Variants in CTNND2 observed in about 807,000 individuals in gnomAD.
The protein encoded by CTNND2 is catenin delta-2.
Under a neutral mutation model 144.4 loss-of-function variants are expected in CTNND2, and 22 were observed. That is an observed-to-expected ratio of 0.15 (90% confidence interval 0.11 to 0.22). The LOEUF is 0.22. CTNND2 is among the 10% of genes least tolerant of loss of function. CTNND2 has a pLI of 1.00. For missense variants in CTNND2, 1,353 were observed against 1,618.8 expected (o/e 0.84, Z 2.82); for synonymous variants, 751 against 695.6 (o/e 1.08, Z -1.25).
At chr5:11,554,965 A>T (rs1366889675) in intron 3 of CTNND2, among the ~76,000 whole-genome samples, 1 of 151,660 alleles carries the variant, frequency 6.6e-6, no homozygotes, top group Non-Finnish European at 1.5e-5. Context: ...ATAACATAAA[A>T]AAATGAATAA....
intron 3 of CTNND2, among the ~76,000 whole-genome samples, chr5:11,536,514 G>GT (rs1181555789): frequency 6.6e-6 from 1 of 152,138 alleles, no homozygotes; most frequent in African/African-American, 2.4e-5. Flanking sequence ...AGAAAATGTG[G>GT]TATATATTTA....
intron 9 of CTNND2, among the ~76,000 whole-genome samples, chr5:11,320,697 A>G (rs1004417665): frequency 6.6e-6 from 1 of 152,164 alleles, no homozygotes; most frequent in Non-Finnish European, 1.5e-5. Flanking sequence ...ATCAGATCCC[A>G]TTCACTATCA....
intron 11 of CTNND2, among the ~76,000 whole-genome samples, chr5:11,167,417 A>C (rs1759447763): frequency 6.6e-6 from 1 of 152,246 alleles, no homozygotes; most frequent in African/African-American, 2.4e-5. Context: ...TGTCCTTGAC[A>C]TTTGAAAGTA....
At chr5:11,824,886 TA>T (rs1793518105) in intron 1 of CTNND2, among the ~76,000 whole-genome samples, 1 of 151,636 alleles carries the variant, frequency 6.6e-6, no homozygotes, top group South Asian at 2.1e-4. Context: ...CCAAACAGAG[TA>T]GGGGAACAAT....
In CTNND2 at chr5:10,971,914, C is replaced by G. The variant is rs1045828021; in HGVS notation, c.*1539G>C. On this transcript the variant is annotated 3_prime_UTR_variant, in exon 22 of 22. Transcript: ENST00000304623. ...GGCACCTATTGGCCTCAGCCACTTG[C>G]ATCTAAAGAGCAAAGCTAGTTTACC... The G allele has an allele frequency of 6.6e-6, 1 of 152,632 alleles. No homozygotes were observed. The highest frequency in any genetic ancestry group is 2.1e-4 in the South Asian group (1 of 4,832). The allele number at this position is 152,632 out of a possible 1,614,324, so 9.5% of individuals were successfully genotyped here.
At chr5:11,078,404 A>T (rs1445360658) in intron 16 of CTNND2, among the ~76,000 whole-genome samples, 1 of 152,174 alleles carries the variant, frequency 6.6e-6, no homozygotes, top group Non-Finnish European at 1.5e-5. Context: ...AAAGCCTGTG[A>T]CTTAGATATT....
intron 16 of CTNND2, among the ~76,000 whole-genome samples, chr5:11,025,733 C>T (rs1272474212): frequency 1.3e-5 from 2 of 152,202 alleles, no homozygotes; most frequent in Non-Finnish European, 2.9e-5. Flanking sequence ...ATTATAAGCA[C>T]TACAACTCAA....
intron 8 of CTNND2, among the ~76,000 whole-genome samples, chr5:11,363,131 T>C (rs1408763991): frequency 1.3e-5 from 2 of 152,242 alleles, no homozygotes; most frequent in Non-Finnish European, 2.9e-5. Context: ...AAATGGCCCA[T>C]GGGCCATTGT....
chr5:11,303,992 T>C (rs1021805046), intron 9 of CTNND2, among the ~76,000 whole-genome samples: 1 of 152,098 alleles, frequency 6.6e-6, no homozygotes, highest in Non-Finnish European at 1.5e-5. Context: ...TTCGCTTGGT[T>C]CTCATTCTCT....
chr5:11,382,655 G>A (rs1451297078), intron 7 of CTNND2, among the ~76,000 whole-genome samples: 1 of 148,252 alleles, frequency 6.7e-6, no homozygotes, highest in Non-Finnish European at 1.5e-5. Flanking sequence ...GTAGAATGAT[G>A]AATTAGTGAA....
At chr5:11,121,726 C>T (rs1023465566) in intron 12 of CTNND2, among the ~76,000 whole-genome samples, 1 of 152,176 alleles carries the variant, frequency 6.6e-6, no homozygotes, top group Non-Finnish European at 1.5e-5. Context: ...TAGGACCCAA[C>T]GTGGAACTCA....
At position 11,374,775 on chromosome 5, in the gene CTNND2, C is replaced by CTTTTTT. The variant is rs56327510; in HGVS notation, c.1177+9884_1178-9886dup. 8.3e-4 allele frequency among the ~76,000 whole-genome samples: 83 copies of CTTTTTT among 99,420 alleles called. 4 individuals are homozygous for CTTTTTT. The highest frequency in any genetic ancestry group is 3.6e-3 in the East Asian group (9 of 2,476). The allele number at this position is 99,420 out of a possible 152,430, so 65.2% of individuals were successfully genotyped here. ...TCCAGAACAAGGTGCTCCCAATCTA[C>CTTTTTT]TTTTTTTTTTTTTTTTTTTTTTTTT... is the stretch of plus-strand genomic sequence containing the variant. On this transcript the variant is annotated intron_variant, in intron 7 of 21. Coordinates refer to ENST00000304623, the MANE Select transcript of CTNND2 (RefSeq NM_001332.4).
At chr5:11,455,108 C>T (rs781188811) in intron 3 of CTNND2, among the ~76,000 whole-genome samples, 11 of 150,204 alleles carry the variant, frequency 7.3e-5, no homozygotes, top group Non-Finnish European at 1.2e-4. Flanking sequence ...TTTGGTTGTT[C>T]CTTTGGGTTG....
intron 18 of CTNND2, among the ~76,000 whole-genome samples, chr5:11,000,024 G>A (rs1283728546): frequency 6.6e-6 from 1 of 152,168 alleles, no homozygotes; most frequent in Non-Finnish European, 1.5e-5. Context: ...AGTTGATACA[G>A]GTCTTCTTTT....
At chr5:11,004,815 T>C (rs1272011599) in intron 18 of CTNND2, among the ~76,000 whole-genome samples, 1 of 148,028 alleles carries the variant, frequency 6.8e-6, no homozygotes, top group African/African-American at 2.5e-5. Context: ...ACAATGTGAA[T>C]GGAAGCAGAG....
chr5:11,312,922 T>C (rs1751141838), intron 9 of CTNND2, among the ~76,000 whole-genome samples: 1 of 152,238 alleles, frequency 6.6e-6, no homozygotes, highest in South Asian at 2.1e-4. Context: ...TAAAATCAAT[T>C]CAAACTGCAC....
Position 11,236,377 on chromosome 5 carries a change from C to T in CTNND2, c.1761+314G>A, listed in dbSNP as rs61750731. Among the ~76,000 whole-genome samples, 1,311 of 152,246 alleles carry T rather than the reference C, an allele frequency of 8.6e-3. 19 individuals carry two copies. The highest frequency in any genetic ancestry group is 0.028 in the African/African-American group (1,151 of 41,538). On this transcript the variant is annotated intron_variant, in intron 10 of 21. Transcript: ENST00000304623. ...CTTTAGGATTTAGGGGCAGAGAAAA[C>T]TCCCAGAGTCGGAATTGGGAAGAGA...
At chr5:11,110,390 A>G (rs546010769) in intron 14 of CTNND2, among the ~76,000 whole-genome samples, 4 of 152,162 alleles carry the variant, frequency 2.6e-5, no homozygotes, top group African/African-American at 2.4e-5. Flanking sequence ...TTTCCAATGG[A>G]AAGTGTGAGA....
intron 6 of CTNND2, among the ~76,000 whole-genome samples, chr5:11,390,787 C>T (rs1228607361): frequency 2.0e-5 from 3 of 152,224 alleles, no homozygotes; most frequent in Admixed American, 1.3e-4. Context: ...TCTGCTCCCC[C>T]ATTCACTGTA....
Sources: allele counts gnomAD v4.1 joint callset (sites outside exome capture counted in the v4.1 genomes callset), GRCh38; gene constraint gnomAD v4.1.1; transcripts MANE v1.5; gene names NCBI Gene and HGNC (gene_info 2026-07-23, HGNC 2026-07-21).